Variants in COL26A1 observed in about 807,000 individuals in gnomAD.
COL26A1 encodes the protein collagen alpha-1(XXVI) chain.
Under a neutral mutation model 59.3 loss-of-function variants are expected in COL26A1, and 41 were observed. The ratio of observed to expected loss-of-function variants is 0.69; its 90% CI spans 0.54 to 0.90. The LOEUF (loss-of-function observed/expected upper bound fraction) is 0.90, where lower values mean the gene tolerates loss of function less well. COL26A1 is among the 40% of genes least tolerant of loss of function. COL26A1 has a pLI of 0.00. For synonymous variants in COL26A1, 266 were observed against 256.0 expected, an observed-to-expected ratio of 1.04 and a Z score of -0.37; for missense variants, 612 against 602.3, an observed-to-expected ratio of 1.02 and a Z score of -0.17.
At chr7:101,382,357 T>C (rs114109604) in intron 1 of COL26A1, among the ~76,000 whole-genome samples, 169 of 152,320 alleles carry the variant, frequency 1.1e-3, no homozygotes, top group African/African-American at 3.9e-3. Flanking sequence ...TGTTTCTCCA[T>C]AGGCTGTGAG....
intron 3 of COL26A1, among the ~76,000 whole-genome samples, chr7:101,531,470 G>A (rs189751835): frequency 5.3e-5 from 8 of 152,312 alleles, no homozygotes; most frequent in Admixed American, 5.2e-4. Flanking sequence ...TCTTCAATCT[G>A]TTTTATGCAT....
intron 2 of COL26A1, among the ~76,000 whole-genome samples, chr7:101,442,887 G>A (rs1793094843): frequency 6.6e-6 from 1 of 152,198 alleles, no homozygotes; most frequent in Non-Finnish European, 1.5e-5. Flanking sequence ...TTGTGCGAGT[G>A]TGCAAGCACG....
chr7:101,493,215 C>A, intron 3 of COL26A1, among the ~76,000 whole-genome samples: 1 of 150,670 alleles, frequency 6.6e-6, no homozygotes, highest in African/African-American at 2.4e-5. Context: ...GACCAGGCTG[C>A]CCACCCCCTT....
At chr7:101,541,159 T>C (rs1394492578) in intron 5 of COL26A1, among the ~76,000 whole-genome samples, 2 of 152,138 alleles carry the variant, frequency 1.3e-5, no homozygotes, top group Non-Finnish European at 2.9e-5. Flanking sequence ...CCCTGCTCCT[T>C]GGCTTCTGCA....
chr7:101,474,751 A>G (rs1407156047), intron 3 of COL26A1, among the ~76,000 whole-genome samples: 2 of 152,258 alleles, frequency 1.3e-5, no homozygotes, highest in African/African-American at 4.8e-5. Flanking sequence ...TAGATTAACA[A>G]GAGAAAAACA....
chr7:101,482,373 GC>G (rs1025341848), intron 3 of COL26A1, among the ~76,000 whole-genome samples: 4 of 152,096 alleles, frequency 2.6e-5, no homozygotes, highest in African/African-American at 9.7e-5. Context: ...AAATAAAATA[GC>G]CCATTTTCTC....
chr7:101,522,073 G>A (rs1859632), intron 3 of COL26A1, among the ~76,000 whole-genome samples: 39,942 of 151,984 alleles, frequency 0.26, 5,372 homozygotes, highest in Middle Eastern at 0.35. Flanking sequence ...TGCCATGAAC[G>A]TTCTTGTGCA....
In COL26A1 at chr7:101,435,310, C is replaced by T. The variant is rs576922151; in HGVS notation, c.282-12374C>T. ...CTCCAGCCTGGGCCACAGCGAGACT[C>T]CATCTCAATAAAAAAAGAAGACAGC... is the stretch of plus-strand genomic sequence containing the variant. On this transcript the variant is annotated intron_variant, in intron 2 of 12. Coordinates refer to ENST00000313669, the MANE Select transcript of COL26A1 (RefSeq NM_001278563.3). Among the ~76,000 whole-genome samples the T allele has an allele frequency of 1.1e-4, 17 of 152,264 alleles. No homozygotes were observed. The South Asian group carries it at 1.5e-3, about 13-fold the overall frequency.
intron 1 of COL26A1, among the ~76,000 whole-genome samples, chr7:101,363,503 C>T (rs2116985751): frequency 9.7e-6 from 1 of 102,776 alleles, no homozygotes; most frequent in Non-Finnish European, 1.9e-5. Flanking sequence ...GACCGAAGGG[C>T]CTTGGGTGCA....
chr7:101,447,348 G>A lies in COL26A1; in HGVS notation c.282-336G>A, dbSNP rs191816722. The stretch of plus-strand genomic sequence containing the variant: ...AAGAAGGGGGTCTTTTTGGGAAAGA[G>A]ATATTATCAATTTTGTTTCAGAGTC... On this transcript the variant is annotated intron_variant, in intron 2 of 12. Transcript: ENST00000313669. Among the ~76,000 whole-genome samples the A allele has an allele frequency of 2.4e-4, 37 of 152,304 alleles. No homozygotes were observed. In the East Asian group the frequency reaches 6.9e-3, roughly 29 times the overall value.
intron 3 of COL26A1, among the ~76,000 whole-genome samples, chr7:101,489,668 C>T (rs12056074): frequency 0.076 from 1,992 of 26,192 alleles, 230 homozygotes; most frequent in African/African-American, 0.29. Context: ...TTTCTTCCTT[C>T]CTTCCTTCCT....
intron 3 of COL26A1, among the ~76,000 whole-genome samples, chr7:101,518,259 C>T (rs1486872888): frequency 1.3e-5 from 2 of 152,172 alleles, no homozygotes; most frequent in African/African-American, 2.4e-5. Flanking sequence ...CCAGTGGGTG[C>T]TACAGGAAGA....
intron 1 of COL26A1, among the ~76,000 whole-genome samples, chr7:101,385,248 TATAC>T (rs1562956989): frequency 3.2e-4 from 48 of 148,168 alleles, no homozygotes; most frequent in African/African-American, 1.0e-3. Flanking sequence ...TATATATATA[TATAC>T]ACACACACAC....
intron 3 of COL26A1, among the ~76,000 whole-genome samples, chr7:101,482,339 T>C (rs1794174430): frequency 6.6e-6 from 1 of 152,184 alleles, no homozygotes; most frequent in African/African-American, 2.4e-5. Flanking sequence ...GATGTTTTTA[T>C]GTAGCTCAGC....
At chr7:101,374,076 G>A (rs542935408) in intron 1 of COL26A1, among the ~76,000 whole-genome samples, 1 of 152,244 alleles carries the variant, frequency 6.6e-6, no homozygotes, top group South Asian at 2.1e-4. Flanking sequence ...AGTGCTCCGG[G>A]AATTCTGCAG....
chr7:101,403,852 T>C (rs969603380), intron 1 of COL26A1, among the ~76,000 whole-genome samples: 4 of 152,164 alleles, frequency 2.6e-5, no homozygotes, highest in African/African-American at 9.6e-5. Context: ...TCCCAGCACT[T>C]TGGGAAGCCT....
At chr7:101,485,411 A>G (rs1250737647) in intron 3 of COL26A1, among the ~76,000 whole-genome samples, 1 of 152,186 alleles carries the variant, frequency 6.6e-6, no homozygotes, top group African/African-American at 2.4e-5. Flanking sequence ...CTGAGTGACA[A>G]GTATGAGTTT....
intron 3 of COL26A1, among the ~76,000 whole-genome samples, chr7:101,508,706 G>C (rs530122808): frequency 6.6e-6 from 1 of 152,104 alleles, no homozygotes; most frequent in African/African-American, 2.4e-5. Context: ...CTGACCGTAA[G>C]GTCTTTCAGC....
chr7:101,544,000 C>A lies in COL26A1; in HGVS notation c.607C>A (p.Pro203Thr), dbSNP rs749719561. 2.3e-4 allele frequency: 358 copies of A among 1,559,966 alleles called. 3 individuals carry two copies. The East Asian group carries it at 8.5e-3, about 37-fold the overall frequency. ...RQRRPTGPAG[P>T]PGQTGPPGPA... is the part of the protein sequence containing the mutation. Reference sequence around the variant, plus strand: ...GCCCTGTCTCCTTCTCTCCCCAGGGCCCCCGGGGCAGACAGGACCACCAGG... The same window carrying A: ...GCCCTGTCTCCTTCTCTCCCCAGGGACCCCGGGGCAGACAGGACCACCAGG... Residue 203 changes from proline (P) to threonine (T), a missense_variant and splice_region_variant, in exon 6 of 13, where the codon CCC (proline) becomes ACC (threonine). By Grantham distance (38) the Pro-to-Thr change is conservative. Transcript: ENST00000313669.
Sources: gnomAD v4.1 joint callset for allele counts (sites outside exome capture counted in the v4.1 genomes callset) on GRCh38, gnomAD v4.1.1 for gene constraint, MANE v1.5 for transcripts, NCBI Gene and HGNC (gene_info 2026-07-23, HGNC 2026-07-21) for gene names.